NEK10: variants seen among roughly 807,000 people sequenced by gnomAD.
NEK10 encodes serine/threonine-protein kinase Nek10.
In NEK10, 122 loss-of-function variants were observed where a neutral mutation model predicts 159.8. The observed-to-expected ratio is 0.76, with a 90% CI of 0.66 to 0.89. The LOEUF (loss-of-function observed/expected upper bound fraction) is 0.89, where lower values mean the gene tolerates loss of function less well. NEK10 is among the 40% of genes least tolerant of loss of function. NEK10 has a pLI of 0.00. For missense variants in NEK10, 1,342 were observed against 1,323.1 expected (o/e 1.01, Z -0.22); for synonymous variants, 466 against 457.1 (o/e 1.02, Z -0.25).
At chr3:27,152,814 A>G (rs895704601) in intron 30 of NEK10, among the ~76,000 whole-genome samples, 9 of 152,222 alleles carry the variant, frequency 5.9e-5, no homozygotes, top group Admixed American at 5.2e-4. Flanking sequence ...AAAGGGGTGG[A>G]AAAAGGCATT....
intron 32 of NEK10, among the ~76,000 whole-genome samples, chr3:27,130,942 T>A (rs1942548047): frequency 1.3e-5 from 2 of 152,156 alleles, no homozygotes; most frequent in African/African-American, 4.8e-5. Context: ...CAGCTGTGTC[T>A]TTTTCCCCCA....
At chr3:27,326,180 C>G (rs2149682172) in intron 5 of NEK10, among the ~76,000 whole-genome samples, 1 of 152,230 alleles carries the variant, frequency 6.6e-6, no homozygotes, top group East Asian at 1.9e-4. Context: ...TTCTAAAGCT[C>G]CTAATACAGA....
intron 30 of NEK10, among the ~76,000 whole-genome samples, chr3:27,161,725 C>T (rs1032021703): frequency 6.6e-6 from 1 of 152,136 alleles, no homozygotes; most frequent in African/African-American, 2.4e-5. Context: ...GTTTAAGGAT[C>T]TATAATTTTT....
At chr3:27,179,328 T>C (rs1947834944) in intron 26 of NEK10, among the ~76,000 whole-genome samples, 2 of 152,196 alleles carry the variant, frequency 1.3e-5, no homozygotes, top group Admixed American at 6.5e-5. Flanking sequence ...ATGACATAGT[T>C]ATTATCTCAT....
At chr3:27,308,890 G>C (rs140823941) in intron 10 of NEK10, 36 bp downstream of exon 10, 1 of 1,025,642 alleles carries the variant, frequency 9.7e-7, no homozygotes. Context: ...TGCTATAGTA[G>C]CAGAACTGGA....
At chr3:27,166,091 G>A (rs918854531) in intron 29 of NEK10, among the ~76,000 whole-genome samples, 2 of 152,164 alleles carry the variant, frequency 1.3e-5, no homozygotes, top group African/African-American at 2.4e-5. Flanking sequence ...AATGCCTTCC[G>A]AAACTACTGC....
chr3:27,283,900 C>T (rs1395326760), intron 22 of NEK10, among the ~76,000 whole-genome samples: 1 of 152,090 alleles, frequency 6.6e-6, no homozygotes, highest in Non-Finnish European at 1.5e-5. Context: ...GTCATAAAAG[C>T]TTTTGTTGAT....
intron 23 of NEK10, among the ~76,000 whole-genome samples, chr3:27,241,087 A>C (rs1480593004): frequency 6.6e-6 from 1 of 152,142 alleles, no homozygotes; most frequent in Admixed American, 6.5e-5. Flanking sequence ...CTGGGGGAAA[A>C]AATTCTCAAC....
In NEK10 at chr3:27,297,030, CTT is replaced by C. The variant is rs1301240260; in HGVS notation, c.1230+147_1230+148del. The C allele has an allele frequency of 4.9e-4, 256 of 527,718 alleles. 4 individuals are homozygous for C. The East Asian group carries it at 7.4e-3, about 15-fold the overall frequency. 32.7% of individuals were successfully genotyped at this position (527,718 alleles called of 1,614,324 possible). A position where few individuals can be genotyped will look rare whatever the true frequency, so the allele number is the denominator to read the frequency against. ...GGAAGGAGAAGAATATAAAGTGGAA[CTT>C]TATTAGTTAAACGAGAAATGTTAAA... On this transcript the variant is annotated intron_variant, in intron 14 of 35. Coordinates refer to ENST00000691995, the MANE Select transcript of NEK10 (RefSeq NM_001394966.1).
intron 1 of NEK10, among the ~76,000 whole-genome samples, chr3:27,358,207 G>C (rs2048449300): frequency 6.6e-6 from 1 of 152,162 alleles, no homozygotes; most frequent in East Asian, 1.9e-4. Flanking sequence ...TTGTTATATA[G>C]GGAGTAGTCA....
At chr3:27,179,413 T>A (rs931354907) in intron 26 of NEK10, among the ~76,000 whole-genome samples, 1 of 152,176 alleles carries the variant, frequency 6.6e-6, no homozygotes, top group African/African-American at 2.4e-5. Flanking sequence ...TTAAATAAAT[T>A]AGGGAATAAA....
At chr3:27,246,873 A>T (rs1955123720) in intron 23 of NEK10, among the ~76,000 whole-genome samples, 1 of 152,104 alleles carries the variant, frequency 6.6e-6, no homozygotes, top group Non-Finnish European at 1.5e-5. Context: ...CTCATAAATG[A>T]TATTACTTTC....
chr3:27,254,237 G>A (rs111760681), intron 23 of NEK10, among the ~76,000 whole-genome samples: 1,755 of 152,124 alleles, frequency 0.012, 10 homozygotes, highest in South Asian at 0.021. Context: ...AGTGTATTTT[G>A]TGTGTGGTCC....
At chr3:27,212,070 A>G (rs569408630) in intron 23 of NEK10, among the ~76,000 whole-genome samples, 1 of 152,316 alleles carries the variant, frequency 6.6e-6, no homozygotes, top group East Asian at 1.9e-4. Context: ...ACAGATATGC[A>G]CAGTTTTAAG....
intron 22 of NEK10, among the ~76,000 whole-genome samples, chr3:27,256,582 T>C (rs1182602130): frequency 6.6e-6 from 1 of 152,232 alleles, no homozygotes; most frequent in South Asian, 2.1e-4. Context: ...AAAGTACTTA[T>C]TGAAACTGTG....
At chr3:27,261,387 G>C (rs2040399323) in intron 22 of NEK10, among the ~76,000 whole-genome samples, 2 of 152,196 alleles carry the variant, frequency 1.3e-5, no homozygotes, top group Non-Finnish European at 2.9e-5. Flanking sequence ...TCTACACACT[G>C]CTTTGAATGT....
chr3:27,306,083 T>G (rs371112881), intron 11 of NEK10, among the ~76,000 whole-genome samples: 2 of 152,180 alleles, frequency 1.3e-5, no homozygotes, highest in East Asian at 3.8e-4. Context: ...ATCCCCGATC[T>G]TGACTCATGG....
intron 22 of NEK10, among the ~76,000 whole-genome samples, chr3:27,277,903 G>A (rs896482925): frequency 6.6e-6 from 1 of 152,180 alleles, no homozygotes; most frequent in Non-Finnish European, 1.5e-5. Context: ...CTGGGATGTA[G>A]AAGCAAGTAC....
At chr3:27,177,823 G>T (rs1341083437) in intron 26 of NEK10, among the ~76,000 whole-genome samples, 3 of 152,180 alleles carry the variant, frequency 2.0e-5, no homozygotes, top group African/African-American at 7.2e-5. Flanking sequence ...GAGCCATTAA[G>T]TTGTCCTCAG....
Sources: allele counts gnomAD v4.1 joint callset (sites outside exome capture counted in the v4.1 genomes callset), GRCh38; gene constraint gnomAD v4.1.1; transcripts MANE v1.5; gene names NCBI Gene and HGNC (gene_info 2026-07-23, HGNC 2026-07-21).